The following CDH22 variants were observed in gnomAD, a reference collection of about 807,000 sequenced individuals.
CDH22 encodes cadherin 22, also known as cadherin-22.
Under a neutral mutation model 58.4 loss-of-function variants are expected in CDH22, and 30 were observed. The ratio of observed to expected loss-of-function variants is 0.51; its 90% confidence interval spans 0.38 to 0.70. The LOEUF (loss-of-function observed/expected upper bound fraction) is 0.70. CDH22 is among the 30% of genes least tolerant of loss of function. The pLI is 0.00. For missense variants in CDH22, 1,014 were observed against 1,233.9 expected (o/e 0.82, Z 2.67); for synonymous variants, 513 against 558.2 (o/e 0.92, Z 1.14).
At chr20:46,307,676 C>T (rs1430078219) in intron 1 of CDH22, among the ~76,000 whole-genome samples, 2 of 152,042 alleles carry the variant, frequency 1.3e-5, no homozygotes, top group African/African-American at 4.8e-5. Flanking sequence ...TGCGTGTCGC[C>T]GCGGCTGGAG....
rs144535074 is a variant in CDH22 at position 46,281,608 on chromosome 20, C to T, written c.-400+26647G>A. Among the ~76,000 whole-genome samples, 525 of 152,288 alleles carry T rather than the reference C, an allele frequency of 3.4e-3. 7 individuals are homozygous for T. The highest frequency in any genetic ancestry group is 0.02 in the Admixed American group (312 of 15,292). ...CACTTGGCAGAACAAGTTTTTATGT[C>T]AACTCACAAACTGACCCATGTAAGC... is the stretch of plus-strand genomic sequence containing the variant. On this transcript the variant is annotated intron_variant, in intron 1 of 11. Transcript: ENST00000537909.
At position 46,210,628 on chromosome 20, in the gene CDH22, G is replaced by A; in HGVS notation, c.1033-68C>T. On this transcript the variant is annotated intron_variant, in intron 6 of 11. Transcript: ENST00000537909. The surrounding 1 kb of genome is among the most constrained non-coding windows in gnomAD (Gnocchi z 4.5). ...TGGACACTGAGGCCTTCACGAGGGA[G>A]GCCAAGGCAGGCGGGGTTGGCCCAA... 2.3e-5 allele frequency: 31 copies of A among 1,365,444 alleles called. No homozygotes were observed. The highest frequency in any genetic ancestry group is 3.0e-5 in the Non-Finnish European group (31 of 1,044,896). 84.6% of individuals were successfully genotyped at this position (1,365,444 alleles called of 1,614,324 possible). A position where few individuals can be genotyped will look rare whatever the true frequency, so the allele number is the denominator to read the frequency against.
intron 1 of CDH22, among the ~76,000 whole-genome samples, chr20:46,301,518 T>C (rs1277069301): frequency 1.3e-5 from 2 of 151,212 alleles, no homozygotes; most frequent in African/African-American, 4.9e-5. Context: ...TATATATATA[T>C]GTATATATAT....
chr20:46,182,321 G>T (rs1175274550), intron 10 of CDH22, among the ~76,000 whole-genome samples: 2 of 152,186 alleles, frequency 1.3e-5, no homozygotes, highest in African/African-American at 4.8e-5. Flanking sequence ...CTGTGTTCTA[G>T]TTGAGGCAGC....
chr20:46,202,596 G>A (rs1001052785), intron 7 of CDH22, among the ~76,000 whole-genome samples: 4 of 151,942 alleles, frequency 2.6e-5, no homozygotes, highest in Admixed American at 6.6e-5. Context: ...CTTGTGATCC[G>A]CCCGCCTCGG....
At chr20:46,222,615 G>A (rs936741994) in intron 4 of CDH22, among the ~76,000 whole-genome samples, 20 of 152,178 alleles carry the variant, frequency 1.3e-4, no homozygotes, top group African/African-American at 1.9e-4. Flanking sequence ...CTCAGCTCCC[G>A]CAGCCTTGTC....
intron 10 of CDH22, among the ~76,000 whole-genome samples, chr20:46,181,748 C>CTTCCTTCCTTCCTTCCTTCGTTCG (rs1555800211): frequency 2.7e-4 from 7 of 26,320 alleles, no homozygotes; most frequent in Non-Finnish European, 5.0e-4. Context: ...TCCTTCCTTC[C>CTTCCTTCCTTCCTTCCTTCGTTCG]TTCCTTCTTT....
At chr20:46,298,091 C>T (rs1040099404) in intron 1 of CDH22, among the ~76,000 whole-genome samples, 4 of 152,320 alleles carry the variant, frequency 2.6e-5, no homozygotes, top group East Asian at 1.9e-4. Flanking sequence ...ATTATCAGAT[C>T]GGTACTTCAG....
At chr20:46,181,744 C>CTTTCTTTCTTTCT (rs1555800208) in intron 10 of CDH22, among the ~76,000 whole-genome samples, 153 of 30,688 alleles carry the variant, frequency 5.0e-3, no homozygotes, top group Non-Finnish European at 8.6e-3. Context: ...TCCTTCCTTC[C>CTTTCTTTCTTTCT]TTCCTTCCTT....
Position 46,308,052 on chromosome 20 carries a change from G to A in CDH22, c.-400+203C>T, listed in dbSNP as rs1041778084. Among the ~76,000 whole-genome samples, 4 of 151,584 alleles carry A rather than the reference G, an allele frequency of 2.6e-5. No homozygotes were observed. The highest frequency in any genetic ancestry group is 9.7e-5 in the African/African-American group (4 of 41,352). ...CGCGCCGGGGAAAGTTTGGACGTGG[G>A]AAACTCCCTCCCCGCCCTCCCGGCC... On this transcript the variant is annotated intron_variant, in intron 1 of 11. Coordinates refer to ENST00000537909, the MANE Select transcript of CDH22 (RefSeq NM_021248.3). This position sits in a 1 kb window ranked among gnomAD's most constrained non-coding sequence, Gnocchi z 4.3.
chr20:46,260,440 T>A (rs1240124210), intron 1 of CDH22, among the ~76,000 whole-genome samples: 1 of 152,218 alleles, frequency 6.6e-6, no homozygotes, highest in East Asian at 1.9e-4. Context: ...TGGGTCTCCC[T>A]TTGGGGTTTG....
rs1351345081 is a variant in CDH22, at chr20:46,174,607, C to G, written c.2386G>C (p.Glu796Gln). 4 of 1,538,052 alleles carry G rather than the reference C, an allele frequency of 2.6e-6. No homozygotes were observed. The highest frequency in any genetic ancestry group is 1.4e-5 in the African/African-American group (1 of 72,938). ...CTGCTGAGATAGGCGAAGTCCTGCT[C>G]GGAGCCCGACGAGCCGCTGTGCAGG... ...SSLHSGSSGS[E>Q]QDFAYLSSWG... Residue 796 changes from glutamate to glutamine, a missense_variant, in exon 12 of 12, where the codon GAG becomes CAG. Coordinates refer to ENST00000537909, the MANE Select transcript of CDH22 (RefSeq NM_021248.3). This position sits in a 1 kb window ranked among gnomAD's most constrained non-coding sequence, Gnocchi z 4.4.
chr20:46,206,929 G>A (rs1277228676), intron 7 of CDH22, among the ~76,000 whole-genome samples: 1 of 152,170 alleles, frequency 6.6e-6, no homozygotes, highest in Non-Finnish European at 1.5e-5. Context: ...CTTAGAGCGA[G>A]CTGGACTCTG....
intron 2 of CDH22, among the ~76,000 whole-genome samples, chr20:46,247,431 T>C (rs2086338447): frequency 6.6e-6 from 1 of 152,088 alleles, no homozygotes; most frequent in African/African-American, 2.4e-5. Context: ...AGAAACAAAA[T>C]TGGGTCTGTA....
At chr20:46,291,231 C>T (rs966088164) in intron 1 of CDH22, among the ~76,000 whole-genome samples, 3 of 152,112 alleles carry the variant, frequency 2.0e-5, no homozygotes, top group Non-Finnish European at 2.9e-5. Flanking sequence ...GAGCAGAGAT[C>T]GCGCCACTGC....
At chr20:46,176,207 G>T (rs927699672) in intron 11 of CDH22, among the ~76,000 whole-genome samples, 2 of 152,156 alleles carry the variant, frequency 1.3e-5, no homozygotes, top group East Asian at 3.9e-4. Flanking sequence ...CTCTCCTTTG[G>T]TCTCAACAGC....
At chr20:46,183,931 AC>A (rs990604731) in intron 10 of CDH22, among the ~76,000 whole-genome samples, 2 of 151,446 alleles carry the variant, frequency 1.3e-5, no homozygotes, top group African/African-American at 4.9e-5. Flanking sequence ...TTCCTAATCC[AC>A]CCCAGTCCTG....
intron 1 of CDH22, among the ~76,000 whole-genome samples, chr20:46,263,558 A>G (rs1185510720): frequency 6.6e-6 from 1 of 152,162 alleles, no homozygotes; most frequent in African/African-American, 2.4e-5. Context: ...CCCCACATTT[A>G]TAGGGGACAC....
At chr20:46,275,163 G>T (rs565633727) in intron 1 of CDH22, among the ~76,000 whole-genome samples, 10 of 152,296 alleles carry the variant, frequency 6.6e-5, no homozygotes, top group African/African-American at 2.4e-4. Flanking sequence ...GTTTCTATAA[G>T]GCTCTACATG....
Sources: gnomAD v4.1 joint callset for allele counts (sites outside exome capture counted in the v4.1 genomes callset) on GRCh38, gnomAD v4.1.1 for gene constraint, Gnocchi (gnomAD v3.1) non-coding constraint, MANE v1.5 for transcripts, NCBI Gene and HGNC (gene_info 2026-07-23, HGNC 2026-07-21) for gene names.